The following MYO18B variants were observed in gnomAD, a reference collection of about 807,000 sequenced individuals.
MYO18B encodes unconventional myosin-XVIIIb.
A neutral mutation model predicts 273.0 loss-of-function variants in MYO18B; 204 were observed. That is an observed-to-expected ratio of 0.75 (90% confidence interval 0.67 to 0.84). MYO18B has a LOEUF of 0.84. Among genes scored for constraint, MYO18B ranks in the 40% least tolerant of loss-of-function variants. The probability of loss-of-function intolerance (pLI) is 0.00; values close to 1 mark genes in which losing one functional copy is unlikely to be tolerated. For missense variants in MYO18B, 3,212 were observed against 3,287.6 expected, an observed-to-expected ratio of 0.98 and a Z score of 0.56; for synonymous variants, 1,330 against 1,305.7, an observed-to-expected ratio of 1.02 and a Z score of -0.40.
In MYO18B at chr22:25,986,415, A is replaced by G. The variant is rs114381861; in HGVS notation, c.6157-5948A>G. Among the ~76,000 whole-genome samples the G allele has an allele frequency of 3.6e-3, 545 of 152,358 alleles. 4 individuals are homozygous for G. Among genetic ancestry groups the G allele is most frequent in the African/African-American group, 0.013 (520 of 41,578 alleles). ...TGTAAAAATTGCCTGATATCTTACCACAGAGAGATAATAGCCATTGCTACC... is the reference window on the plus strand; with the variant it reads ...TGTAAAAATTGCCTGATATCTTACCGCAGAGAGATAATAGCCATTGCTACC... On this transcript the variant is annotated intron_variant, in intron 39 of 43. Coordinates refer to ENST00000335473, the MANE Select transcript of MYO18B (RefSeq NM_032608.7).
the MYO18B span, among the ~76,000 whole-genome samples, chr22:26,054,027 G>C: frequency 6.6e-6 from 1 of 152,106 alleles, no homozygotes; most frequent in Non-Finnish European, 1.5e-5. Flanking sequence ...GGTGAACTCG[G>C]GCCAACAGGA....
At chr22:25,817,878 C>G (rs2089106720) in intron 12 of MYO18B, among the ~76,000 whole-genome samples, 1 of 152,170 alleles carries the variant, frequency 6.6e-6, no homozygotes, top group Non-Finnish European at 1.5e-5. Context: ...ACAAGGTGCA[C>G]CTTTGGGGAA....
intron 42 of MYO18B, among the ~76,000 whole-genome samples, chr22:26,017,951 C>T (rs977735685): frequency 6.7e-6 from 1 of 148,678 alleles, no homozygotes; most frequent in Non-Finnish European, 1.5e-5. Flanking sequence ...CCACCCAGCT[C>T]CAATTTTACT....
chr22:26,008,602 T>C (rs1225368815), intron 42 of MYO18B, among the ~76,000 whole-genome samples: 20 of 152,072 alleles, frequency 1.3e-4, no homozygotes. Context: ...CTAGGAATCA[T>C]GCTGCTGCCG....
chr22:25,957,016 C>T (rs559801491), intron 39 of MYO18B, among the ~76,000 whole-genome samples: 7 of 152,276 alleles, frequency 4.6e-5, no homozygotes, highest in African/African-American at 7.2e-5. Context: ...TCCTGACTGG[C>T]GGTTCCTCCA....
intron 40 of MYO18B, among the ~76,000 whole-genome samples, chr22:25,998,791 C>G (rs914691456): frequency 6.6e-6 from 1 of 152,100 alleles, no homozygotes; most frequent in African/African-American, 2.4e-5. Flanking sequence ...CCAGGGAGAA[C>G]AGCTTAAAGC....
At chr22:26,053,593 A>C in the MYO18B span, among the ~76,000 whole-genome samples, 1 of 152,230 alleles carries the variant, frequency 6.6e-6, no homozygotes, top group African/African-American at 2.4e-5. Context: ...TGAACCCCAA[A>C]TTCATAGTTG....
chr22:25,890,663 T>C, intron 25 of MYO18B, 93 bp from the exon 26 acceptor site: 1 of 1,512,744 alleles, frequency 6.6e-7, no homozygotes, highest in East Asian at 2.4e-5. Context: ...CCCATGATAG[T>C]GATTTGTCCA....
At chr22:25,995,201 C>G (rs1155189) in intron 40 of MYO18B, among the ~76,000 whole-genome samples, 3 of 152,002 alleles carry the variant, frequency 2.0e-5, no homozygotes, top group Non-Finnish European at 4.4e-5. Context: ...AGAGAAACAT[C>G]GCATATTCTC....
intron 43 of MYO18B, among the ~76,000 whole-genome samples, chr22:26,029,514 C>T (rs935314524): frequency 1.3e-5 from 2 of 152,114 alleles, no homozygotes; most frequent in Admixed American, 1.3e-4. Flanking sequence ...GTTTCAAAGG[C>T]CAAGTAAAGG....
intron 27 of MYO18B, 46 bp from the exon 28 acceptor site, chr22:25,895,110 C>T (rs752364811): frequency 2.5e-6 from 4 of 1,594,666 alleles, no homozygotes; most frequent in East Asian, 2.3e-5. Context: ...TCTTGCCTTA[C>T]ACTCATTTGG....
intron 36 of MYO18B, among the ~76,000 whole-genome samples, chr22:25,948,407 TTTCCTTCCTTCCTTCCTTCC>T (rs59622689): frequency 0.017 from 1,989 of 118,032 alleles, 59 homozygotes; most frequent in African/African-American, 0.053. Context: ...TTTTCCTGTC[TTTCCTTCCTTCCTTCCTTCC>T]TTCCTTCCTT....
intron 28 of MYO18B, chr22:25,897,966 C>G (rs1183110270): frequency 4.7e-6 from 1 of 211,926 alleles, no homozygotes; most frequent in Non-Finnish European, 9.5e-6. Context: ...ATCATGTCGG[C>G]TGGTGGGGAT....
chr22:25,745,071 G>T (rs2085738104), intron 1 of MYO18B, among the ~76,000 whole-genome samples: 1 of 152,120 alleles, frequency 6.6e-6, no homozygotes, highest in African/African-American at 2.4e-5. Context: ...ATAAACCTCA[G>T]CTCTCATTTG....
chr22:25,999,546 C>T (rs1394618315), intron 40 of MYO18B, among the ~76,000 whole-genome samples: 5 of 35,480 alleles, frequency 1.4e-4, no homozygotes, highest in Admixed American at 2.2e-4. Flanking sequence ...CCCCTCTTCC[C>T]CCTCCCCCTC....
chr22:25,914,890 G>T (rs1159551557), intron 33 of MYO18B, among the ~76,000 whole-genome samples: 1 of 149,890 alleles, frequency 6.7e-6, no homozygotes, highest in African/African-American at 2.5e-5. Context: ...ATAGAGATGG[G>T]GTTTCACTGT....
At chr22:26,049,076 C>T in the MYO18B span, among the ~76,000 whole-genome samples, 1 of 152,076 alleles carries the variant, frequency 6.6e-6, no homozygotes, top group Non-Finnish European at 1.5e-5. Flanking sequence ...AGGTTAAAAA[C>T]CTCTAAAATC....
the MYO18B span, among the ~76,000 whole-genome samples, chr22:26,048,959 G>A: frequency 2.6e-5 from 4 of 152,084 alleles, no homozygotes; most frequent in Non-Finnish European, 5.9e-5. Context: ...ACACTATTGG[G>A]TACTAGGCTT....
At chr22:26,012,887 A>G (rs567608286) in intron 42 of MYO18B, among the ~76,000 whole-genome samples, 1 of 152,196 alleles carries the variant, frequency 6.6e-6, no homozygotes, top group African/African-American at 2.4e-5. Context: ...CAAAAAATTG[A>G]TCATACCTAA....
Sources: gnomAD v4.1 joint callset for allele counts (sites outside exome capture counted in the v4.1 genomes callset) on GRCh38, gnomAD v4.1.1 for gene constraint, MANE v1.5 for transcripts, NCBI Gene and HGNC (gene_info 2026-07-23, HGNC 2026-07-21) for gene names.